Variants in CTSO observed in about 807,000 individuals in gnomAD.
CTSO encodes the protein cathepsin O.
A neutral mutation model predicts 42.4 loss-of-function variants in CTSO; 40 were observed. The ratio of observed to expected loss-of-function variants is 0.94; its 90% confidence interval spans 0.73 to 1.23. The LOEUF is 1.23. Ranked by LOEUF, CTSO falls within the 50% of genes most tolerant of loss-of-function variation. The pLI is 0.00. For synonymous variants in CTSO, 156 were observed against 146.2 expected (o/e 1.07, Z -0.48); for missense variants, 441 against 396.0 (o/e 1.11, Z -0.96).
At chr4:155,930,289 C>T (rs78824380) in intron 5 of CTSO, among the ~76,000 whole-genome samples, 1,608 of 152,020 alleles carry the variant, frequency 0.011, 30 homozygotes, top group African/African-American at 0.035. Context: ...TAGTCATTGT[C>T]AAATATAGAA....
chr4:155,949,685 GA>G (rs1490828701), intron 1 of CTSO, among the ~76,000 whole-genome samples: 1 of 152,176 alleles, frequency 6.6e-6, no homozygotes, highest in Non-Finnish European at 1.5e-5. Context: ...TTCGTTTCTG[GA>G]AATTGCAGTA....
intron 2 of CTSO, 69 bp from the exon 3 acceptor site, chr4:155,942,525 A>G (rs544749120): frequency 2.8e-6 from 2 of 721,852 alleles, no homozygotes; most frequent in South Asian, 1.3e-4. Flanking sequence ...TATATATCAT[A>G]TATATTTGTT....
intron 3 of CTSO, among the ~76,000 whole-genome samples, chr4:155,941,240 C>T (rs1168277282): frequency 6.6e-6 from 1 of 152,168 alleles, no homozygotes; most frequent in Non-Finnish European, 1.5e-5. Flanking sequence ...TGAGACTATC[C>T]CCTCTGGTTA....
intron 5 of CTSO, among the ~76,000 whole-genome samples, chr4:155,934,061 C>T (rs1743286272): frequency 6.6e-6 from 1 of 152,198 alleles, no homozygotes; most frequent in Admixed American, 6.5e-5. Context: ...TTCACGGCAG[C>T]CCCTCCCATC....
intron 5 of CTSO, among the ~76,000 whole-genome samples, chr4:155,934,895 T>C (rs1040489633): frequency 1.3e-5 from 2 of 152,166 alleles, no homozygotes; most frequent in East Asian, 1.9e-4. Flanking sequence ...AATGCTGAAA[T>C]GAGTTAAGAC....
At position 155,929,660 on chromosome 4, in the gene CTSO, AG is replaced by A; in HGVS notation, c.719del (p.Pro240LeufsTer3). 11 of 1,613,870 alleles carry A rather than the reference AG, an allele frequency of 6.8e-6. No individual in the cohort carries two copies. Among genetic ancestry groups the A allele is most frequent in the Non-Finnish European group, 8.5e-6 (10 of 1,179,966 alleles). ...EMAKALLTFGPLVVIVDAVSW... is the reference protein window; with the variant it reads ...EMAKALLTFGXLVVIVDAVSW... Reference sequence around the variant, plus strand: ...TCACTGCATCTACTATGACTACCAAAGGGCCAAAGGTAAGAAGTGCTTTTGC... The same window carrying A: ...TCACTGCATCTACTATGACTACCAAAGGCCAAAGGTAAGAAGTGCTTTTGC... On this transcript the variant is annotated frameshift_variant, in exon 6 of 8. Transcript: ENST00000433477. LOFTEE classifies it high-confidence loss of function.
At chr4:155,942,931 G>T (rs1295213568) in intron 2 of CTSO, among the ~76,000 whole-genome samples, 11 of 152,104 alleles carry the variant, frequency 7.2e-5, no homozygotes, top group Admixed American at 7.2e-4. Flanking sequence ...TAGCCACATG[G>T]AAATGTGCAT....
Position 155,926,083 on chromosome 4 carries a change from A to C in CTSO, c.932-13T>G, listed in dbSNP as rs1560782787. The C allele has an allele frequency of 6.8e-7, 1 of 1,473,866 alleles. No homozygotes were observed. Among genetic ancestry groups the C allele is most frequent in the East Asian group, 2.5e-5 (1 of 39,974 alleles). The allele number at this position is 1,473,866 out of a possible 1,614,324, so 91.3% of individuals were successfully genotyped here. A position where few individuals can be genotyped will look rare whatever the true frequency, so the allele number is the denominator to read the frequency against. ...GAATCTGCAATACCTAAGGGAAAAA[A>C]AAGGAATTATTAGTCTATTTCCTCT... On this transcript the variant is annotated splice_polypyrimidine_tract_variant and intron_variant, in intron 7 of 7. Coordinates refer to ENST00000433477, the MANE Select transcript of CTSO (RefSeq NM_001334.3).
intron 5 of CTSO, among the ~76,000 whole-genome samples, chr4:155,933,936 A>G (rs1743283080): frequency 6.6e-6 from 1 of 152,120 alleles, no homozygotes; most frequent in Non-Finnish European, 1.5e-5. Context: ...GAAAAGAAAA[A>G]CCCATTTTTT....
chr4:155,946,242 A>G (rs920831314), intron 1 of CTSO, among the ~76,000 whole-genome samples: 1 of 152,164 alleles, frequency 6.6e-6, no homozygotes, highest in Non-Finnish European at 1.5e-5. Flanking sequence ...AAACTTATAC[A>G]TCGTTGGCAG....
chr4:155,925,971 T>C lies in CTSO; in HGVS notation c.*65A>G, dbSNP rs1183208894. ...CTTGAAGTTGAATAATACTTTGAAG[T>C]ACTATGTTACATTGCATTATGAAAA... On this transcript the variant is annotated 3_prime_UTR_variant, in exon 8 of 8. Transcript: ENST00000433477. 5 of 1,335,740 alleles carry C rather than the reference T, an allele frequency of 3.7e-6. No homozygotes were observed. Among genetic ancestry groups the C allele is most frequent in the South Asian group, 3.7e-5 (3 of 80,562 alleles). The allele number at this position is 1,335,740 out of a possible 1,614,324, so 82.7% of individuals were successfully genotyped here.
chr4:155,936,299 T>C (rs549969084), intron 5 of CTSO, among the ~76,000 whole-genome samples: 10 of 152,296 alleles, frequency 6.6e-5, no homozygotes, highest in Non-Finnish European at 1.0e-4. Context: ...CGGAGCTGTG[T>C]TGACAACCTG....
intron 1 of CTSO, among the ~76,000 whole-genome samples, chr4:155,949,113 T>C (rs961048797): frequency 1.3e-5 from 2 of 152,240 alleles, no homozygotes; most frequent in East Asian, 1.9e-4. Flanking sequence ...GATTGTTAAA[T>C]TGAATGCAAG....
chr4:155,935,665 C>T (rs900102327), intron 5 of CTSO, among the ~76,000 whole-genome samples: 2 of 152,010 alleles, frequency 1.3e-5, no homozygotes, highest in Non-Finnish European at 2.9e-5. Context: ...AGCCAATATG[C>T]CACATGTATT....
chr4:155,930,762 T>C (rs1743220636), intron 5 of CTSO, among the ~76,000 whole-genome samples: 1 of 152,142 alleles, frequency 6.6e-6, no homozygotes, highest in Non-Finnish European at 1.5e-5. Context: ...TGCATAATAA[T>C]GGAATTGATT....
At chr4:155,936,026 C>CT (rs1743323918) in intron 5 of CTSO, among the ~76,000 whole-genome samples, 1 of 151,958 alleles carries the variant, frequency 6.6e-6, no homozygotes, top group African/African-American at 2.4e-5. Flanking sequence ...AAGGGATTCC[C>CT]TTAATCCCTT....
At position 155,928,201 on chromosome 4, in the gene CTSO, CT is replaced by C. The variant is rs142399936; in HGVS notation, c.931+134del. 1,853 of 377,278 alleles carry C rather than the reference CT, an allele frequency of 4.9e-3. 34 individuals carry two copies. Among genetic ancestry groups the C allele is most frequent in the African/African-American group, 0.034 (1,673 of 48,714 alleles). 23.4% of individuals were successfully genotyped at this position (377,278 alleles called of 1,614,324 possible). On this transcript the variant is annotated intron_variant, in intron 7 of 7. Transcript: ENST00000433477. ...GTTTAACAGTTCCTCTTGCAAAACACTTTTTTTTTTATCATTTGGTTAAAGG... is the reference window on the plus strand; with the variant it reads ...GTTTAACAGTTCCTCTTGCAAAACACTTTTTTTTTATCATTTGGTTAAAGG...
rs1743121446 is a variant in CTSO at position 155,925,961 on chromosome 4, T to C, written c.*75A>G. On this transcript the variant is annotated 3_prime_UTR_variant, in exon 8 of 8. Transcript: ENST00000433477. ...GTTGCTGAAACTTGAAGTTGAATAA[T>C]ACTTTGAAGTACTATGTTACATTGC... 8.0e-7 allele frequency: 1 copy of C among 1,253,494 alleles called. No homozygotes were observed. The highest frequency in any genetic ancestry group is 2.1e-5 in the Admixed American group (1 of 48,530). The allele number at this position is 1,253,494 out of a possible 1,614,324, so 77.6% of individuals were successfully genotyped here. A position where few individuals can be genotyped will look rare whatever the true frequency, so the allele number is the denominator to read the frequency against.
At chr4:155,946,770 T>C (rs184046800) in intron 1 of CTSO, among the ~76,000 whole-genome samples, 225 of 152,336 alleles carry the variant, frequency 1.5e-3, no homozygotes, top group African/African-American at 4.6e-3. Context: ...TCCCTACCAC[T>C]AATCTCTACC....
Sources: gnomAD v4.1 joint callset for allele counts (sites outside exome capture counted in the v4.1 genomes callset) on GRCh38, gnomAD v4.1.1 for gene constraint, MANE v1.5 for transcripts, NCBI Gene and HGNC (gene_info 2026-07-23, HGNC 2026-07-21) for gene names.